Variants in DRC3 observed in about 807,000 individuals in gnomAD.
DRC3 encodes the protein leucine rich repeat containing 48.
A neutral mutation model predicts 57.6 loss-of-function variants in DRC3; 45 were observed. That is an observed-to-expected ratio of 0.78 (90% CI 0.62 to 1.00). The LOEUF (loss-of-function observed/expected upper bound fraction) is 1.00. Among genes scored for constraint, DRC3 ranks in the 50% least tolerant of loss-of-function variants. DRC3 has a pLI of 0.00. For synonymous variants in DRC3, 257 were observed against 272.3 expected, an observed-to-expected ratio of 0.94 and a Z score of 0.55; for missense variants, 655 against 675.2, an observed-to-expected ratio of 0.97 and a Z score of 0.33.
At position 17,994,215 on chromosome 17, in the gene DRC3, T is replaced by TGCAGCATGGCAGAGGCG. The variant is rs1477803620; in HGVS notation, c.592-80_592-64dup. The TGCAGCATGGCAGAGGCG allele has an allele frequency of 2.7e-6, 4 of 1,507,604 alleles. No homozygotes were observed. The African/African-American group carries it at 4.5e-5, about 17-fold the overall frequency. The allele number at this position is 1,507,604 out of a possible 1,614,324, so 93.4% of individuals were successfully genotyped here. A position where few individuals can be genotyped will look rare whatever the true frequency, so the allele number is the denominator to read the frequency against. ...ACACCCCTGCCCATGCGCGGGAGGC[T>TGCAGCATGGCAGAGGCG]GCAGCATGGCAGAGGCGGCATGGCA... On this transcript the variant is annotated intron_variant, in intron 6 of 13. Transcript: ENST00000399187.
intron 3 of DRC3, among the ~76,000 whole-genome samples, chr17:17,980,488 T>C (rs2042618557): frequency 2.0e-5 from 3 of 151,972 alleles, no homozygotes; most frequent in African/African-American, 7.3e-5. Context: ...AGAGATGGGG[T>C]TTCACCATGT....
At chr17:18,012,648 C>T (rs1597649558) in intron 12 of DRC3, among the ~76,000 whole-genome samples, 1 of 151,886 alleles carries the variant, frequency 6.6e-6, no homozygotes, top group East Asian at 1.9e-4. Flanking sequence ...CACCACTGCA[C>T]TCCAGCCTGA....
Position 18,004,450 on chromosome 17 carries a change from G to T in DRC3, c.1087G>T (p.Asp363Tyr). The change falls in exon 10 of 14, where the codon GAT (aspartate) becomes TAT (tyrosine). Residue 363 changes from aspartate (D) to tyrosine (Y), a missense_variant. Physicochemically the swap from Asp to Tyr is radical, Grantham distance 160. Coordinates refer to ENST00000399187, the MANE Select transcript of DRC3 (RefSeq NM_031294.4). ...ECSADISELF[D>Y]ALMTLEMQLV... Reference sequence around the variant, plus strand: ...CAGTGCTGACATCAGTGAGTTGTTCGATGCGCTCATGACGCTGGAGATGCA... The same window carrying T: ...CAGTGCTGACATCAGTGAGTTGTTCTATGCGCTCATGACGCTGGAGATGCA... 1 of 1,611,342 alleles carries T rather than the reference G, an allele frequency of 6.2e-7. No homozygotes were observed. Among genetic ancestry groups the T allele is most frequent in the South Asian group, 1.1e-5 (1 of 90,206 alleles).
rs1463413205 is a variant in DRC3 at position 17,977,331 on chromosome 17, GAGGGTCCCAGCTGTGGCTGT to G, written c.-17-244_-17-225del. 4 of 474,126 alleles carry G rather than the reference GAGGGTCCCAGCTGTGGCTGT, an allele frequency of 8.4e-6. No individual in the cohort carries two copies. The East Asian group carries it at 1.7e-4, about 20-fold the overall frequency. The allele number at this position is 474,126 out of a possible 1,614,324, so 29.4% of individuals were successfully genotyped here. A position where few individuals can be genotyped will look rare whatever the true frequency, so the allele number is the denominator to read the frequency against. On this transcript the variant is annotated intron_variant, in intron 2 of 13. Transcript: ENST00000399187. ...TGGACACCAGTCCAGTGGGTCCAGC[GAGGGTCCCAGCTGTGGCTGT>G]AGGGTCAAGGGATGAAACCCTGTGG...
chr17:18,002,798 T>TAA (rs961123783), intron 9 of DRC3, among the ~76,000 whole-genome samples: 1 of 152,178 alleles, frequency 6.6e-6, no homozygotes, highest in African/African-American at 2.4e-5. Flanking sequence ...GTCACACTGT[T>TAA]AAGTGACCCA....
At chr17:17,985,005 TCA>T (rs2042893713) in intron 4 of DRC3, among the ~76,000 whole-genome samples, 2 of 152,158 alleles carry the variant, frequency 1.3e-5, no homozygotes, top group Non-Finnish European at 2.9e-5. Context: ...CCAGGTCCTC[TCA>T]CACCTGGGCC....
intron 3 of DRC3, among the ~76,000 whole-genome samples, chr17:17,982,875 T>G (rs1256875873): frequency 1.3e-5 from 2 of 152,230 alleles, no homozygotes; most frequent in Non-Finnish European, 2.9e-5. Flanking sequence ...CGCCCATCCT[T>G]AATGAGCATA....
intron 2 of DRC3, among the ~76,000 whole-genome samples, chr17:17,974,766 A>G (rs897448359): frequency 1.3e-5 from 2 of 151,980 alleles, no homozygotes; most frequent in African/African-American, 2.4e-5. Flanking sequence ...GTACAATTTC[A>G]TAGTTCCCTA....
intron 8 of DRC3, among the ~76,000 whole-genome samples, 183 bp from the exon 9 acceptor site, chr17:17,997,277 A>G (rs911890240): frequency 2.0e-5 from 3 of 152,008 alleles, no homozygotes; most frequent in Non-Finnish European, 4.4e-5. Flanking sequence ...CTACATCTCA[A>G]TCCTGGCTCT....
At chr17:18,004,158 T>C (rs967667604) in intron 9 of DRC3, among the ~76,000 whole-genome samples, 2 of 152,094 alleles carry the variant, frequency 1.3e-5, no homozygotes, top group Admixed American at 6.6e-5. Flanking sequence ...GGGCTATCAA[T>C]CGCACTTTAC....
chr17:18,006,035 A>G, intron 10 of DRC3, 148 bp from the exon 11 acceptor site: 2 of 655,780 alleles, frequency 3.0e-6, no homozygotes. Context: ...GTCAGTTCAC[A>G]ACCATCTGCT....
At chr17:18,010,453 G>A (rs768281394) in intron 12 of DRC3, among the ~76,000 whole-genome samples, 44 of 152,034 alleles carry the variant, frequency 2.9e-4, no homozygotes, top group African/African-American at 8.9e-4. Context: ...GACATTCTTC[G>A]CAGAAATAGA....
intron 2 of DRC3, among the ~76,000 whole-genome samples, chr17:17,975,731 T>C (rs1305428583): frequency 6.6e-6 from 1 of 151,736 alleles, no homozygotes; most frequent in Non-Finnish European, 1.5e-5. Flanking sequence ...GTGAACAGAT[T>C]GGAGAGAGTG....
intron 10 of DRC3, chr17:18,005,391 A>G (rs1162243962): frequency 6.6e-6 from 1 of 152,274 alleles, no homozygotes; most frequent in African/African-American, 2.4e-5. Context: ...CAGTACTCAC[A>G]TTCCTATAGA....
chr17:17,976,406 A>G (rs1320731801), intron 2 of DRC3, among the ~76,000 whole-genome samples: 1 of 152,200 alleles, frequency 6.6e-6, no homozygotes, highest in Non-Finnish European at 1.5e-5. Context: ...GAGGCTGGGC[A>G]CGGTGGCTCA....
At chr17:17,990,394 C>T (rs2043172273) in intron 5 of DRC3, among the ~76,000 whole-genome samples, 1 of 152,240 alleles carries the variant, frequency 6.6e-6, no homozygotes, top group Non-Finnish European at 1.5e-5. Context: ...GTCTCTACTC[C>T]CATCTCAACT....
intron 12 of DRC3, chr17:18,011,764 C>A: frequency 5.1e-6 from 1 of 196,754 alleles, no homozygotes; most frequent in Admixed American, 4.9e-5. Context: ...CACTGACCAT[C>A]TTGTCAAGAC....
intron 5 of DRC3, among the ~76,000 whole-genome samples, chr17:17,989,100 G>A (rs750545026): frequency 6.6e-6 from 1 of 152,306 alleles, no homozygotes; most frequent in East Asian, 1.9e-4. Context: ...GCCTTCCTGC[G>A]AGTGTTGGGA....
At chr17:17,975,746 G>A (rs1202027597) in intron 2 of DRC3, among the ~76,000 whole-genome samples, 1 of 152,160 alleles carries the variant, frequency 6.6e-6, no homozygotes, top group Non-Finnish European at 1.5e-5. Flanking sequence ...AGAGTGGGAG[G>A]AAAAGGACCA....
Sources: gnomAD v4.1 joint callset for allele counts (sites outside exome capture counted in the v4.1 genomes callset) on GRCh38, gnomAD v4.1.1 for gene constraint, MANE v1.5 for transcripts, NCBI Gene and HGNC (gene_info 2026-07-23, HGNC 2026-07-21) for gene names.